The following NBAS variants were observed in gnomAD, a reference collection of about 807,000 sequenced individuals.
The protein encoded by NBAS is NAG/BC035112 fusion.
A neutral mutation model predicts 302.5 loss-of-function variants in NBAS; 219 were observed. The ratio of observed to expected loss-of-function variants is 0.72; its 90% CI spans 0.65 to 0.81. The LOEUF is 0.81. Ranked by LOEUF, NBAS falls within the 30% of genes least tolerant of loss-of-function variation. The probability of loss-of-function intolerance (pLI) is 0.00; values close to 1 mark genes in which losing one functional copy is unlikely to be tolerated. For synonymous variants in NBAS, 1,118 were observed against 1,021.6 expected (o/e 1.09, Z -1.80); for missense variants, 2,932 against 2,841.6 (o/e 1.03, Z -0.72).
chr2:15,247,748 T>A (rs372230673), intron 44 of NBAS, among the ~76,000 whole-genome samples: 1 of 55,636 alleles, frequency 1.8e-5, no homozygotes, highest in Non-Finnish European at 2.9e-5. Context: ...CTATATATAT[T>A]TATATAGATA....
chr2:14,863,146 T>C, the NBAS span, among the ~76,000 whole-genome samples: 1 of 152,214 alleles, frequency 6.6e-6, no homozygotes, highest in African/African-American at 2.4e-5. Flanking sequence ...GAGCATGACA[T>C]AGCTCCACCT....
At chr2:14,968,496 G>T in the NBAS span, among the ~76,000 whole-genome samples, 1 of 152,008 alleles carries the variant, frequency 6.6e-6, no homozygotes, top group Non-Finnish European at 1.5e-5. Flanking sequence ...GCTACTGACA[G>T]GTGTGACCAC....
At chr2:15,282,623 G>C (rs1320484628) in intron 42 of NBAS, among the ~76,000 whole-genome samples, 1 of 152,168 alleles carries the variant, frequency 6.6e-6, no homozygotes, top group Non-Finnish European at 1.5e-5. Context: ...GTGCTATTAT[G>C]ATCTCTAGCA....
chr2:15,152,167 T>A, the NBAS span, among the ~76,000 whole-genome samples: 37 of 152,302 alleles, frequency 2.4e-4, no homozygotes, highest in East Asian at 6.9e-3. Flanking sequence ...ATGTTTTAGG[T>A]AGCTTCACTA....
intron 47 of NBAS, among the ~76,000 whole-genome samples, chr2:15,225,311 C>A (rs1429269720): frequency 1.3e-5 from 2 of 152,200 alleles, no homozygotes; most frequent in South Asian, 4.1e-4. Flanking sequence ...TGAAGTGATA[C>A]AGAAATATTG....
At chr2:15,256,631 T>C (rs560529784) in intron 44 of NBAS, among the ~76,000 whole-genome samples, 17 of 152,302 alleles carry the variant, frequency 1.1e-4, no homozygotes, top group African/African-American at 3.6e-4. Flanking sequence ...CTTGTCTTAT[T>C]CCAGTTCTCA....
intron 44 of NBAS, among the ~76,000 whole-genome samples, chr2:15,245,604 T>G (rs1320585366): frequency 7.1e-6 from 1 of 140,202 alleles, no homozygotes; most frequent in Non-Finnish European, 1.5e-5. Flanking sequence ...CTCTGTTGAA[T>G]GGAAGGATGG....
intron 6 of NBAS, 123 bp from the exon 7 acceptor site, chr2:15,539,479 T>G: frequency 1.5e-5 from 18 of 1,216,804 alleles, no homozygotes; most frequent in Non-Finnish European, 2.0e-5. Flanking sequence ...TAAGGATCTC[T>G]AATAAAGCTT....
At chr2:15,383,460 T>C (rs550063909) in intron 28 of NBAS, 143 bp from the exon 29 acceptor site, 15 of 705,672 alleles carry the variant, frequency 2.1e-5, no homozygotes, top group South Asian at 9.9e-5. Context: ...AAAAAGAATA[T>C]ATCTCCTTTA....
the NBAS span, among the ~76,000 whole-genome samples, chr2:14,940,660 A>G: frequency 6.6e-6 from 1 of 152,118 alleles, no homozygotes; most frequent in African/African-American, 2.4e-5. Flanking sequence ...TCCATCTCCA[A>G]CAACACAATG....
chr2:15,373,881 T>C (rs931803300), intron 31 of NBAS, among the ~76,000 whole-genome samples: 2 of 152,130 alleles, frequency 1.3e-5, no homozygotes, highest in Non-Finnish European at 2.9e-5. Context: ...CTGCTAATAA[T>C]ACCAAGCCAC....
At chr2:15,094,129 A>G in the NBAS span, among the ~76,000 whole-genome samples, 1 of 152,230 alleles carries the variant, frequency 6.6e-6, no homozygotes, top group South Asian at 2.1e-4. Context: ...CCTTTGAAAC[A>G]TGCAAAAGGA....
chr2:14,964,506 T>A, the NBAS span, among the ~76,000 whole-genome samples: 1 of 152,048 alleles, frequency 6.6e-6, no homozygotes, highest in Non-Finnish European at 1.5e-5. Context: ...CTCCTAAAAG[T>A]TTATACACTT....
chr2:15,457,213 C>G (rs1679287600), intron 21 of NBAS, among the ~76,000 whole-genome samples: 1 of 152,128 alleles, frequency 6.6e-6, no homozygotes, highest in African/African-American at 2.4e-5. Context: ...GAGCCATACA[C>G]TTAAGAGTCT....
chr2:15,207,205 G>A (rs61429758), intron 48 of NBAS, among the ~76,000 whole-genome samples: 386 of 152,268 alleles, frequency 2.5e-3, no homozygotes, highest in African/African-American at 9.0e-3. Context: ...CAAAGAAGAT[G>A]AATTTGGAGC....
At chr2:15,355,978 A>C (rs1673597388) in intron 33 of NBAS, among the ~76,000 whole-genome samples, 1 of 152,224 alleles carries the variant, frequency 6.6e-6, no homozygotes, top group African/African-American at 2.4e-5. Context: ...CTAATATAAA[A>C]ATTTAAATTT....
chr2:15,543,456 TTGTTA>T (rs1406168122), intron 6 of NBAS, among the ~76,000 whole-genome samples: 1 of 152,234 alleles, frequency 6.6e-6, no homozygotes, highest in Non-Finnish European at 1.5e-5. Context: ...ATACATTTGT[TTGTTA>T]TATCAGTCCG....
chr2:15,008,622 G>T, the NBAS span, among the ~76,000 whole-genome samples: 1 of 152,104 alleles, frequency 6.6e-6, no homozygotes, highest in Non-Finnish European at 1.5e-5. Flanking sequence ...TCTGATCGGG[G>T]CTACTTGCTT....
chr2:14,907,696 A>T, the NBAS span: 1 of 152,268 alleles, frequency 6.6e-6, no homozygotes, highest in African/African-American at 2.4e-5. Flanking sequence ...TTTGACAATA[A>T]TCACATTCTG....
Sources: gnomAD v4.1 joint callset for allele counts (sites outside exome capture counted in the v4.1 genomes callset) on GRCh38, gnomAD v4.1.1 for gene constraint, MANE v1.5 for transcripts, NCBI Gene and HGNC (gene_info 2026-07-23, HGNC 2026-07-21) for gene names.